The following THRB variants were observed in gnomAD, a reference collection of about 807,000 sequenced individuals.
THRB encodes thyroid hormone receptor beta, also known as nuclear receptor subfamily 1 group A member 2.
Under a neutral mutation model 47.8 loss-of-function variants are expected in THRB, and 12 were observed. That is an observed-to-expected ratio of 0.25 (90% CI 0.16 to 0.41). The LOEUF (loss-of-function observed/expected upper bound fraction) is 0.41, where lower values mean the gene tolerates loss of function less well. Among genes scored for constraint, THRB ranks in the 10% least tolerant of loss-of-function variants. The pLI, the probability that THRB is intolerant of heterozygous loss-of-function variation, is 1.00. For synonymous variants in THRB, 218 were observed against 212.2 expected (o/e 1.03, Z -0.24); for missense variants, 348 against 589.2 (o/e 0.59, Z 4.24).
At chr3:24,265,494 A>G (rs1450782626) in intron 3 of THRB, among the ~76,000 whole-genome samples, 1 of 152,204 alleles carries the variant, frequency 6.6e-6, no homozygotes, top group Non-Finnish European at 1.5e-5. Context: ...TCAAAATTTT[A>G]TGTTCTAAGT....
At chr3:24,195,512 C>T (rs866074102) in intron 4 of THRB, among the ~76,000 whole-genome samples, 1 of 152,210 alleles carries the variant, frequency 6.6e-6, no homozygotes, top group South Asian at 2.1e-4. Flanking sequence ...TGCTTTTGCT[C>T]TCAGCCACTT....
chr3:24,255,002 A>C (rs2051102023), intron 3 of THRB, among the ~76,000 whole-genome samples: 1 of 152,200 alleles, frequency 6.6e-6, no homozygotes, highest in Non-Finnish European at 1.5e-5. Context: ...AACATACTGC[A>C]CTTATTGTAT....
At chr3:24,173,096 A>G (rs1001757116) in intron 5 of THRB, among the ~76,000 whole-genome samples, 1 of 152,180 alleles carries the variant, frequency 6.6e-6, no homozygotes, top group Non-Finnish European at 1.5e-5. Flanking sequence ...CTTCTTAGAA[A>G]TGCAAATTCT....
chr3:24,317,323 C>T (rs1051177216), intron 2 of THRB, among the ~76,000 whole-genome samples: 3 of 151,998 alleles, frequency 2.0e-5, no homozygotes, highest in East Asian at 1.9e-4. Flanking sequence ...CATGGAAAAT[C>T]GAAAGAGGTG....
At chr3:24,289,751 ATCTC>A (rs553377924) in intron 3 of THRB, among the ~76,000 whole-genome samples, 2 of 152,282 alleles carry the variant, frequency 1.3e-5, no homozygotes, top group African/African-American at 2.4e-5. Flanking sequence ...CTTTCATGAA[ATCTC>A]TCTAACATAT....
chr3:24,302,983 A>G (rs2057060329), intron 2 of THRB, among the ~76,000 whole-genome samples: 1 of 152,010 alleles, frequency 6.6e-6, no homozygotes, highest in South Asian at 2.1e-4. Flanking sequence ...TGATTGTTGC[A>G]CTCCAGTTTT....
At chr3:24,366,438 C>T (rs141300136) in intron 1 of THRB, among the ~76,000 whole-genome samples, 7 of 152,210 alleles carry the variant, frequency 4.6e-5, no homozygotes, top group East Asian at 3.9e-4. Flanking sequence ...CAAGGCCTAA[C>T]GGCTGCTGAT....
At chr3:24,342,359 C>T (rs1256983848) in intron 1 of THRB, among the ~76,000 whole-genome samples, 1 of 152,104 alleles carries the variant, frequency 6.6e-6, no homozygotes, top group Non-Finnish European at 1.5e-5. Context: ...GAGAATGAGG[C>T]ATCCAGCAGG....
At chr3:24,241,143 G>A (rs1207404724) in intron 3 of THRB, among the ~76,000 whole-genome samples, 1 of 152,122 alleles carries the variant, frequency 6.6e-6, no homozygotes, top group Non-Finnish European at 1.5e-5. Flanking sequence ...TACCCATTGG[G>A]CACTTTGATT....
chr3:24,456,092 G>A (rs181594980), intron 1 of THRB, among the ~76,000 whole-genome samples: 2 of 152,236 alleles, frequency 1.3e-5, no homozygotes, highest in Non-Finnish European at 2.9e-5. Flanking sequence ...ACTTTGGGAG[G>A]CCAAGGCAGG....
chr3:24,151,150 A>G (rs1036730776), intron 6 of THRB, among the ~76,000 whole-genome samples: 1 of 152,214 alleles, frequency 6.6e-6, no homozygotes, highest in African/African-American at 2.4e-5. Context: ...ACATTCCAAA[A>G]AGCAAGTCTT....
At chr3:24,147,803 A>C (rs1174468075) in intron 6 of THRB, among the ~76,000 whole-genome samples, 1 of 152,298 alleles carries the variant, frequency 6.6e-6, no homozygotes, top group African/African-American at 2.4e-5. Context: ...AGGTGCTCTA[A>C]ATATTTCCAT....
chr3:24,363,467 C>T (rs2064218981), intron 1 of THRB, among the ~76,000 whole-genome samples: 1 of 152,114 alleles, frequency 6.6e-6, no homozygotes, highest in Non-Finnish European at 1.5e-5. Flanking sequence ...AAATATTAAG[C>T]AATCCACTGG....
chr3:24,209,705 T>C (rs1471050641), intron 4 of THRB, among the ~76,000 whole-genome samples: 1 of 152,128 alleles, frequency 6.6e-6, no homozygotes, highest in African/African-American at 2.4e-5. Context: ...GGGATAGCAT[T>C]AGGAGATATA....
intron 1 of THRB, among the ~76,000 whole-genome samples, chr3:24,475,383 C>T (rs750472427): frequency 2.6e-5 from 4 of 151,964 alleles, no homozygotes; most frequent in Non-Finnish European, 5.9e-5. Flanking sequence ...CTACCATTTG[C>T]AATATCTTCA....
At chr3:24,437,889 C>T (rs62255439) in intron 1 of THRB, among the ~76,000 whole-genome samples, 6,437 of 151,780 alleles carry the variant, frequency 0.042, 180 homozygotes, top group Non-Finnish European at 0.064. Context: ...CATCCCCCAC[C>T]TTAAATAATT....
At chr3:24,406,712 A>C (rs2067855352) in intron 1 of THRB, among the ~76,000 whole-genome samples, 1 of 151,916 alleles carries the variant, frequency 6.6e-6, no homozygotes, top group Non-Finnish European at 1.5e-5. Flanking sequence ...TAAATAACAA[A>C]GTGAGATACA....
At chr3:24,272,152 G>C (rs1171651545) in intron 3 of THRB, among the ~76,000 whole-genome samples, 1 of 152,022 alleles carries the variant, frequency 6.6e-6, no homozygotes, top group Non-Finnish European at 1.5e-5. Context: ...GACCAGCCTG[G>C]GCAACACAGC....
intron 5 of THRB, among the ~76,000 whole-genome samples, chr3:24,181,024 A>T (rs970507130): frequency 6.6e-6 from 1 of 152,206 alleles, no homozygotes; most frequent in Non-Finnish European, 1.5e-5. Flanking sequence ...AGAAGCCTAG[A>T]CTTCGTAGAG....
Sources: allele counts gnomAD v4.1 joint callset (sites outside exome capture counted in the v4.1 genomes callset), GRCh38; gene constraint gnomAD v4.1.1; transcripts MANE v1.5; gene names NCBI Gene and HGNC (gene_info 2026-07-23, HGNC 2026-07-21).